CNTNAP5: variants seen among roughly 807,000 people sequenced by gnomAD.
CNTNAP5 encodes contactin-associated protein-like 5.
A neutral mutation model predicts 150.2 loss-of-function variants in CNTNAP5; 72 were observed. The ratio of observed to expected loss-of-function variants is 0.48; its 90% confidence interval spans 0.40 to 0.58. CNTNAP5 has a LOEUF of 0.58. Ranked by LOEUF, CNTNAP5 falls within the 20% of genes least tolerant of loss-of-function variation. CNTNAP5 has a pLI of 0.00. For missense variants in CNTNAP5, 1,636 were observed against 1,626.2 expected, an observed-to-expected ratio of 1.01 and a Z score of -0.10; for synonymous variants, 672 against 619.8, an observed-to-expected ratio of 1.08 and a Z score of -1.25.
chr2:124,905,248 A>G (rs913546823), intron 22 of CNTNAP5, among the ~76,000 whole-genome samples: 5 of 151,728 alleles, frequency 3.3e-5, no homozygotes, highest in Non-Finnish European at 4.4e-5. Context: ...CTCACAGCTG[A>G]TAATATGATG....
intron 1 of CNTNAP5, among the ~76,000 whole-genome samples, chr2:124,084,457 G>C (rs1682631296): frequency 6.6e-6 from 1 of 151,854 alleles, no homozygotes; most frequent in Non-Finnish European, 1.5e-5. Context: ...GGTAGACATG[G>C]GGTTTGTTTC....
chr2:124,225,597 A>G (rs1423356036), intron 2 of CNTNAP5, among the ~76,000 whole-genome samples: 1 of 152,194 alleles, frequency 6.6e-6, no homozygotes, highest in Non-Finnish European at 1.5e-5. Flanking sequence ...TAACACATCC[A>G]TCACCTCATG....
chr2:124,858,809 G>A (rs577302781), intron 19 of CNTNAP5, among the ~76,000 whole-genome samples: 1 of 152,152 alleles, frequency 6.6e-6, no homozygotes, highest in East Asian at 1.9e-4. Flanking sequence ...GCAAATCAAA[G>A]CCAAAATTAG....
At chr2:124,138,378 G>A (rs571196805) in intron 1 of CNTNAP5, among the ~76,000 whole-genome samples, 2 of 152,284 alleles carry the variant, frequency 1.3e-5, no homozygotes, top group Non-Finnish European at 2.9e-5. Flanking sequence ...TTTCATTCAG[G>A]GACTTTGACA....
chr2:124,451,423 G>A (rs901874478), intron 6 of CNTNAP5, among the ~76,000 whole-genome samples: 14 of 151,704 alleles, frequency 9.2e-5, no homozygotes, highest in African/African-American at 3.2e-4. Flanking sequence ...AAAAAATTTC[G>A]TCTATGTAAA....
chr2:124,320,320 A>G (rs1033199252), intron 3 of CNTNAP5, among the ~76,000 whole-genome samples: 1 of 152,130 alleles, frequency 6.6e-6, no homozygotes, highest in African/African-American at 2.4e-5. Context: ...GCCCACCAGC[A>G]CTCATTGTCA....
intron 13 of CNTNAP5, among the ~76,000 whole-genome samples, chr2:124,738,361 A>G (rs1351466872): frequency 1.3e-5 from 2 of 152,172 alleles, no homozygotes; most frequent in East Asian, 1.9e-4. Flanking sequence ...GTTCCTAAAG[A>G]TTTATAAGAG....
At chr2:124,212,713 A>G (rs1686045218) in intron 1 of CNTNAP5, among the ~76,000 whole-genome samples, 1 of 152,148 alleles carries the variant, frequency 6.6e-6, no homozygotes, top group Non-Finnish European at 1.5e-5. Flanking sequence ...CGATCCTAAC[A>G]ACAGGTCACT....
At position 124,251,246 on chromosome 2, in the gene CNTNAP5, G is replaced by A. The variant is rs146396737; in HGVS notation, c.381+8853G>A. ...TAATTTAGTGACTCAAGAATTTTTC[G>A]GAAGTTAATTCAGGAGCTCATAGGA... On this transcript the variant is annotated intron_variant, in intron 3 of 23. Coordinates refer to ENST00000682447, the MANE Select transcript of CNTNAP5 (RefSeq NM_001367498.1). Among the ~76,000 whole-genome samples the A allele has an allele frequency of 1.5e-3, 235 of 152,048 alleles. 1 individual carries two copies. The highest frequency in any genetic ancestry group is 6.8e-3 in the Middle Eastern group (2 of 294).
At chr2:124,717,529 A>G (rs542229701) in intron 13 of CNTNAP5, among the ~76,000 whole-genome samples, 1 of 152,210 alleles carries the variant, frequency 6.6e-6, no homozygotes, top group Non-Finnish European at 1.5e-5. Context: ...TGTGCCTACA[A>G]GTCATTTGAA....
chr2:124,240,769 T>C (rs1296078309), intron 2 of CNTNAP5, among the ~76,000 whole-genome samples: 1 of 152,188 alleles, frequency 6.6e-6, no homozygotes, highest in Non-Finnish European at 1.5e-5. Flanking sequence ...TTAAGTCCTC[T>C]ATTTTTCCAT....
chr2:124,182,443 C>T (rs940155508), intron 1 of CNTNAP5, among the ~76,000 whole-genome samples: 5 of 150,814 alleles, frequency 3.3e-5, no homozygotes, highest in South Asian at 2.1e-4. Context: ...ACTCAGGAAG[C>T]GGAAGTAACT....
At chr2:124,366,334 C>G (rs796872575) in intron 3 of CNTNAP5, among the ~76,000 whole-genome samples, 2 of 152,286 alleles carry the variant, frequency 1.3e-5, no homozygotes, top group African/African-American at 4.8e-5. Context: ...TATTGATAGT[C>G]TTTCTCTTCT....
chr2:124,038,242 G>C (rs1681277710), intron 1 of CNTNAP5, among the ~76,000 whole-genome samples: 3 of 152,162 alleles, frequency 2.0e-5, no homozygotes, highest in Admixed American at 2.0e-4. Context: ...TTCATTGTCA[G>C]CTGTATAGAA....
chr2:124,440,435 G>A (rs976894562), intron 5 of CNTNAP5, among the ~76,000 whole-genome samples: 1 of 151,968 alleles, frequency 6.6e-6, no homozygotes, highest in Non-Finnish European at 1.5e-5. Context: ...GAAAGTTAAA[G>A]TGGCATCCAT....
chr2:124,713,686 T>A (rs1357965328), intron 13 of CNTNAP5, among the ~76,000 whole-genome samples: 4 of 151,912 alleles, frequency 2.6e-5, no homozygotes, highest in Non-Finnish European at 4.4e-5. Flanking sequence ...ATAACGTGTT[T>A]CTTATTTCCA....
At chr2:124,603,238 C>A (rs1425533277) in intron 11 of CNTNAP5, among the ~76,000 whole-genome samples, 1 of 152,164 alleles carries the variant, frequency 6.6e-6, no homozygotes, top group African/African-American at 2.4e-5. Flanking sequence ...TAACTAATTG[C>A]ATTCTTACAG....
At chr2:124,899,407 C>T (rs941251369) in intron 21 of CNTNAP5, among the ~76,000 whole-genome samples, 4 of 151,356 alleles carry the variant, frequency 2.6e-5, no homozygotes, top group Non-Finnish European at 4.4e-5. Context: ...TTACATCACC[C>T]TTGGAGGACA....
chr2:124,213,001 G>T (rs1686058276), intron 1 of CNTNAP5, among the ~76,000 whole-genome samples: 1 of 151,840 alleles, frequency 6.6e-6, no homozygotes, highest in Non-Finnish European at 1.5e-5. Flanking sequence ...ACCACGCCCG[G>T]CTAATTTTTT....
Sources: gnomAD v4.1 joint callset for allele counts (sites outside exome capture counted in the v4.1 genomes callset) on GRCh38, gnomAD v4.1.1 for gene constraint, MANE v1.5 for transcripts, NCBI Gene and HGNC (gene_info 2026-07-23, HGNC 2026-07-21) for gene names.